NHSL2: variants seen among roughly 807,000 people sequenced by gnomAD.
NHSL2 encodes the protein NHS-like protein 2.
In NHSL2, 27 loss-of-function variants were observed where a neutral mutation model predicts 53.4. The ratio of observed to expected loss-of-function variants is 0.51; its 90% CI spans 0.37 to 0.70. NHSL2 has a LOEUF of 0.70. Among genes scored for constraint, NHSL2 ranks in the 30% least tolerant of loss-of-function variants. The probability of loss-of-function intolerance (pLI) is 0.00; values close to 1 mark genes in which losing one functional copy is unlikely to be tolerated. For missense variants in NHSL2, 892 were observed against 980.1 expected, an observed-to-expected ratio of 0.91 and a Z score of 1.20; for synonymous variants, 408 against 404.1, an observed-to-expected ratio of 1.01 and a Z score of -0.12.
At chrX:71,926,576 T>C (rs1434200713) in intron 1 of NHSL2, among the ~76,000 whole-genome samples, 1 of 110,574 alleles carries the variant, frequency 9.0e-6, no homozygotes, top group Admixed American at 9.6e-5. Flanking sequence ...GAACCGTTGG[T>C]TTAGAGCAGT....
intron 1 of NHSL2, among the ~76,000 whole-genome samples, chrX:72,036,476 T>C (rs1382037166): frequency 8.9e-6 from 1 of 112,486 alleles, no homozygotes; most frequent in Non-Finnish European, 1.9e-5. Flanking sequence ...TTCGGGTTTA[T>C]CTTACTTGGT....
intron 1 of NHSL2, among the ~76,000 whole-genome samples, chrX:71,931,508 G>T (rs2041713047): frequency 8.9e-6 from 1 of 112,273 alleles, no homozygotes; most frequent in Admixed American, 9.4e-5. Flanking sequence ...TTATATTTTG[G>T]TTTGTGATCC....
At chrX:71,911,480 T>G in intron 1 of NHSL2, 113 bp downstream of exon 1, 2 of 646,945 alleles carry the variant, frequency 3.1e-6, no homozygotes, top group Non-Finnish European at 4.2e-6. Context: ...GCCCCTCCCC[T>G]CCCCTCCATT....
rs1220546063 is a variant in NHSL2, at chrX:72,151,569, C to T, written c.*7995C>T. 2 of 111,984 alleles carry T rather than the reference C, an allele frequency of 1.8e-5. No individual in the cohort carries two copies. The highest frequency in any genetic ancestry group is 3.8e-5 in the Non-Finnish European group (2 of 53,191). The allele number at this position is 111,984 out of a possible 1,213,427, so 9.2% of individuals were successfully genotyped here. A position where few individuals can be genotyped will look rare whatever the true frequency, so the allele number is the denominator to read the frequency against. Reference sequence around the variant, plus strand: ...CAATAGAGTGTCCTTCATGAGCTCTCTCTCTCTCTCATTACTGACTACCTC... The same window carrying T: ...CAATAGAGTGTCCTTCATGAGCTCTTTCTCTCTCTCATTACTGACTACCTC... On this transcript the variant is annotated 3_prime_UTR_variant, in exon 8 of 8. Transcript: ENST00000633930.
intron 1 of NHSL2, among the ~76,000 whole-genome samples, chrX:72,099,153 A>G (rs962567754): frequency 8.9e-6 from 1 of 111,761 alleles, no homozygotes; most frequent in East Asian, 2.8e-4. Context: ...GCACCACACT[A>G]TCCAATAGAA....
At chrX:71,989,058 G>T (rs568139048) in intron 1 of NHSL2, among the ~76,000 whole-genome samples, 1 of 111,388 alleles carries the variant, frequency 9.0e-6, no homozygotes. Context: ...CATCTTTTGA[G>T]TCCCCACTTG....
intron 1 of NHSL2, among the ~76,000 whole-genome samples, chrX:71,954,423 C>T (rs1266068532): frequency 3.6e-5 from 4 of 112,480 alleles, no homozygotes; most frequent in South Asian, 3.7e-4. Context: ...TGTGCTGCTG[C>T]GCTGCTGTTT....
chrX:72,079,766 T>A (rs1014747331), intron 1 of NHSL2: 1 of 112,814 alleles, frequency 8.9e-6, no homozygotes, highest in Non-Finnish European at 1.9e-5. Flanking sequence ...GACAGCCAGT[T>A]CCTGTTCATT....
intron 1 of NHSL2, among the ~76,000 whole-genome samples, chrX:71,963,474 C>T (rs1007323332): frequency 1.4e-4 from 15 of 110,726 alleles, no homozygotes; most frequent in Non-Finnish European, 3.8e-5. Context: ...TTAAACAATC[C>T]AATCAAGAGG....
rs1190169585 is a variant in NHSL2 at position 72,143,877 on chromosome X, T to C, written c.*303T>C. The C allele has an allele frequency of 5.9e-6, 1 of 169,437 alleles. No individual in the cohort carries two copies. Among genetic ancestry groups the C allele is most frequent in the African/African-American group, 3.1e-5 (1 of 32,725 alleles). 14.0% of individuals were successfully genotyped at this position (169,437 alleles called of 1,213,427 possible). On this transcript the variant is annotated 3_prime_UTR_variant, in exon 8 of 8. Transcript: ENST00000633930. ...AGAAATTTTCAGATGTCAGGGCACATGTGCCACTTTTTCAATTCAGTGACC... is the reference window on the plus strand; with the variant it reads ...AGAAATTTTCAGATGTCAGGGCACACGTGCCACTTTTTCAATTCAGTGACC...
intron 1 of NHSL2, among the ~76,000 whole-genome samples, chrX:72,096,514 A>T (rs899446644): frequency 8.9e-6 from 1 of 112,186 alleles, no homozygotes; most frequent in African/African-American, 3.2e-5. Flanking sequence ...TTTAGTACTT[A>T]AAAATTGTAT....
rs2042520814 is a variant in NHSL2 at position 72,152,349 on chromosome X, G to A, written c.*8775G>A. On this transcript the variant is annotated 3_prime_UTR_variant, in exon 8 of 8. Transcript: ENST00000633930. ...TCACACCATACATGCGTGTGTGCAT[G>A]CGCGCGCGCACACACACACACACAC... 1.9e-4 allele frequency: 1 copy of A among 5,311 alleles called. No homozygotes were observed. The highest frequency in any genetic ancestry group is 4.6e-3 in the Admixed American group (1 of 219). The allele number at this position is 5,311 out of a possible 1,213,427, so 0.4% of individuals were successfully genotyped here. A position where few individuals can be genotyped will look rare whatever the true frequency, so the allele number is the denominator to read the frequency against.
chrX:72,020,229 C>T (rs2042153779), intron 1 of NHSL2, among the ~76,000 whole-genome samples: 1 of 112,482 alleles, frequency 8.9e-6, no homozygotes. Context: ...TTTATGCCTT[C>T]ATTAAAATAC....
rs749813039 is a variant in NHSL2, at chrX:71,981,066, C to T, written c.280+69699C>T. Among the ~76,000 whole-genome samples the T allele has an allele frequency of 3.6e-5, 4 of 112,157 alleles. No homozygotes were observed. In the East Asian group the frequency reaches 8.4e-4, roughly 23 times the overall value. ...ACTGTAAGAGCTCAAGCTGTAAAAC[C>T]GTTAGAAGACAGTGTAGTTGTATAT... On this transcript the variant is annotated intron_variant, in intron 1 of 7. Transcript: ENST00000633930.
At chrX:72,129,698 G>T in intron 1 of NHSL2, 1 of 641,765 alleles carries the variant, frequency 1.6e-6, no homozygotes, top group Non-Finnish European at 2.3e-6. Context: ...GAATTCTGCA[G>T]GTCTTCTTCA....
intron 1 of NHSL2, among the ~76,000 whole-genome samples, chrX:71,919,187 G>A (rs2041644076): frequency 8.9e-6 from 1 of 111,971 alleles, no homozygotes. Flanking sequence ...AAAAGACAAT[G>A]GATGACATGT....
At chrX:71,918,640 C>T (rs765362668) in intron 1 of NHSL2, among the ~76,000 whole-genome samples, 2 of 111,673 alleles carry the variant, frequency 1.8e-5, no homozygotes, top group African/African-American at 3.3e-5. Context: ...GAGGTGGTAT[C>T]TCCGAGTTGT....
chrX:72,066,387 A>G (rs1569476981), intron 1 of NHSL2, among the ~76,000 whole-genome samples: 1 of 111,780 alleles, frequency 8.9e-6, no homozygotes, highest in Admixed American at 9.4e-5. Context: ...TGCACCATGT[A>G]CTAGTTGGGT....
At chrX:71,942,455 G>A (rs942958436) in intron 1 of NHSL2, among the ~76,000 whole-genome samples, 1 of 112,501 alleles carries the variant, frequency 8.9e-6, no homozygotes, top group African/African-American at 3.2e-5. Context: ...ACTTGTGTCT[G>A]AGCTGATGTT....
Sources: allele counts gnomAD v4.1 joint callset (sites outside exome capture counted in the v4.1 genomes callset), GRCh38; gene constraint gnomAD v4.1.1; transcripts MANE v1.5; gene names NCBI Gene and HGNC (gene_info 2026-07-23, HGNC 2026-07-21).